Variants in ABHD17C observed in about 807,000 individuals in gnomAD.
The protein encoded by ABHD17C is alpha/beta hydrolase domain-containing protein 17C.
A neutral mutation model predicts 27.9 loss-of-function variants in ABHD17C; 11 were observed. The observed-to-expected ratio is 0.39, with a 90% confidence interval of 0.25 to 0.65. The LOEUF is 0.65. Ranked by LOEUF, ABHD17C falls within the 30% of genes least tolerant of loss-of-function variation. The probability of loss-of-function intolerance (pLI) is 0.45; values close to 1 mark genes in which losing one functional copy is unlikely to be tolerated. For synonymous variants in ABHD17C, 233 were observed against 209.1 expected (o/e 1.11, Z -0.98); for missense variants, 280 against 470.2 (o/e 0.60, Z 3.74).
At chr15:80,712,056 A>G (rs1465571888) in intron 1 of ABHD17C, among the ~76,000 whole-genome samples, 1 of 152,180 alleles carries the variant, frequency 6.6e-6, no homozygotes, top group East Asian at 1.9e-4. Context: ...TGCCAGCAAG[A>G]CAGACTTCCC....
At chr15:80,731,994 A>G (rs183563139) in intron 1 of ABHD17C, among the ~76,000 whole-genome samples, 2 of 152,356 alleles carry the variant, frequency 1.3e-5, no homozygotes, top group South Asian at 4.1e-4. Context: ...TCAAACTGAG[A>G]TTCTGCACTC....
At chr15:80,736,918 A>ATCT (rs1179145597) in intron 1 of ABHD17C, among the ~76,000 whole-genome samples, 54 of 152,344 alleles carry the variant, frequency 3.5e-4, no homozygotes, top group African/African-American at 1.3e-3. Flanking sequence ...ATGAGACACC[A>ATCT]TCTCCTTGGC....
At position 80,754,145 on chromosome 15, in the gene ABHD17C, T is replaced by G. The variant is rs1212107195; in HGVS notation, c.771-6T>G. 6.2e-7 allele frequency: 1 copy of G among 1,611,710 alleles called. No individual in the cohort carries two copies. Among genetic ancestry groups the G allele is most frequent in the Non-Finnish European group, 8.5e-7 (1 of 1,178,000 alleles). ...TCTTTCTGCCTCCCCCCTTTCTGTTTTGCAGCATTGACAAGATATCTAAAG... is the reference window on the plus strand; with the variant it reads ...TCTTTCTGCCTCCCCCCTTTCTGTTGTGCAGCATTGACAAGATATCTAAAG... On this transcript the variant is annotated splice_region_variant and splice_polypyrimidine_tract_variant and intron_variant, in intron 2 of 2. Coordinates refer to ENST00000258884, the MANE Select transcript of ABHD17C (RefSeq NM_021214.2).
Position 80,754,385 on chromosome 15 carries a change from T to A in ABHD17C, c.*15T>A. 1 of 1,597,968 alleles carries A rather than the reference T, an allele frequency of 6.3e-7. No homozygotes were observed. The highest frequency in any genetic ancestry group is 8.6e-7 in the Non-Finnish European group (1 of 1,168,842). ...CTAATTCCTGAAGACAACAACTTGA[T>A]CTTACCTCATTTACTGTGAACAGAA... On this transcript the variant is annotated 3_prime_UTR_variant, in exon 3 of 3. Coordinates refer to ENST00000258884, the MANE Select transcript of ABHD17C (RefSeq NM_021214.2).
intron 1 of ABHD17C, among the ~76,000 whole-genome samples, chr15:80,707,033 A>G (rs1432054989): frequency 6.6e-6 from 1 of 152,246 alleles, no homozygotes; most frequent in Non-Finnish European, 1.5e-5. Flanking sequence ...TGAACATGCC[A>G]TTGTAAAGGC....
intron 2 of ABHD17C, among the ~76,000 whole-genome samples, chr15:80,752,469 A>AT (rs1342232628): frequency 1.3e-5 from 2 of 152,186 alleles, no homozygotes; most frequent in African/African-American, 2.4e-5. Flanking sequence ...CCACGACCTC[A>AT]TTCCTGTTAT....
chr15:80,717,548 C>T (rs546705680), intron 1 of ABHD17C, among the ~76,000 whole-genome samples: 1 of 152,114 alleles, frequency 6.6e-6, no homozygotes, highest in Non-Finnish European at 1.5e-5. Flanking sequence ...TGTGCACCAC[C>T]ATGCCTGGCT....
Position 80,749,582 on chromosome 15 carries a change from G to A in ABHD17C, c.660G>A (p.Leu220=). 2 of 1,613,896 alleles carry A rather than the reference G, an allele frequency of 1.2e-6. No homozygotes were observed. The highest frequency in any genetic ancestry group is 8.5e-7 in the Non-Finnish European group (1 of 1,179,874). ...QSIGTVPTVD[L]ASRYECAAVI... The stretch of plus-strand genomic sequence containing the variant: ...TTGGGACTGTCCCCACGGTAGACTT[G>A]GCCTCGAGGTATGAATGCGCAGCGG... The change falls in exon 2 of 3, where the codon TTG becomes TTA. Residue 220 remains leucine, a synonymous_variant. Transcript: ENST00000258884.
intron 1 of ABHD17C, among the ~76,000 whole-genome samples, chr15:80,705,890 A>C (rs1203756707): frequency 6.6e-6 from 1 of 152,158 alleles, no homozygotes; most frequent in Non-Finnish European, 1.5e-5. Context: ...TCTTTAAAGG[A>C]GAGGAAACCC....
intron 1 of ABHD17C, among the ~76,000 whole-genome samples, chr15:80,743,010 G>C: frequency 7.1e-6 from 1 of 140,332 alleles, no homozygotes. Flanking sequence ...GGAGGGTGGG[G>C]TGGTGGGGAA....
At chr15:80,721,026 CAAAATTTCTTTT>C (rs1894890837) in intron 1 of ABHD17C, among the ~76,000 whole-genome samples, 1 of 151,732 alleles carries the variant, frequency 6.6e-6, no homozygotes, top group East Asian at 1.9e-4. Flanking sequence ...ATATTTCTTT[CAAAATTTCTTTT>C]CCTACATTTT....
intron 1 of ABHD17C, among the ~76,000 whole-genome samples, chr15:80,723,060 T>A (rs2141504294): frequency 6.6e-6 from 1 of 152,276 alleles, no homozygotes; most frequent in East Asian, 1.9e-4. Context: ...CTTGAGCATC[T>A]GAGGATTGTC....
intron 1 of ABHD17C, among the ~76,000 whole-genome samples, chr15:80,745,382 C>G (rs1326743782): frequency 7.0e-6 from 1 of 143,726 alleles, no homozygotes; most frequent in Non-Finnish European, 1.6e-5. Flanking sequence ...GCCTCTTTTC[C>G]CTAACAGCAT....
intron 1 of ABHD17C, among the ~76,000 whole-genome samples, chr15:80,707,432 A>G (rs1272198757): frequency 6.6e-6 from 1 of 152,144 alleles, no homozygotes; most frequent in Admixed American, 6.5e-5. Context: ...AAGGCACCAG[A>G]AGTAATTGTT....
At chr15:80,744,361 GA>G (rs77973027) in intron 1 of ABHD17C, among the ~76,000 whole-genome samples, 16 of 149,624 alleles carry the variant, frequency 1.1e-4, no homozygotes, top group African/African-American at 1.5e-4. Context: ...TACTTTGATA[GA>G]AAAAAAAAAT....
intron 1 of ABHD17C, among the ~76,000 whole-genome samples, chr15:80,698,395 A>G (rs765039138): frequency 6.6e-6 from 1 of 152,176 alleles, no homozygotes; most frequent in Non-Finnish European, 1.5e-5. Context: ...AAAAAAAAAG[A>G]TGGTTGTGAA....
chr15:80,721,319 A>G (rs1028787234), intron 1 of ABHD17C, among the ~76,000 whole-genome samples: 7 of 150,528 alleles, frequency 4.7e-5, no homozygotes, highest in African/African-American at 1.7e-4. Flanking sequence ...TTTAAGCCCT[A>G]TATGCTGGTC....
intron 2 of ABHD17C, 93 bp downstream of exon 2, chr15:80,749,785 A>G: frequency 7.1e-7 from 1 of 1,412,120 alleles, no homozygotes; most frequent in Non-Finnish European, 9.7e-7. Flanking sequence ...TATTTATTGA[A>G]TGCAGCCATA....
intron 1 of ABHD17C, among the ~76,000 whole-genome samples, chr15:80,726,501 G>GTTT (rs10572505): frequency 3.2e-5 from 3 of 94,508 alleles, no homozygotes; most frequent in African/African-American, 1.6e-4. Context: ...TCTTTTTCTG[G>GTTT]TTTTTTTTTT....
Sources: gnomAD v4.1 joint callset for allele counts (sites outside exome capture counted in the v4.1 genomes callset) on GRCh38, gnomAD v4.1.1 for gene constraint, MANE v1.5 for transcripts, NCBI Gene and HGNC (gene_info 2026-07-23, HGNC 2026-07-21) for gene names.